Variants in SERPINI2 observed in about 807,000 individuals in gnomAD.
SERPINI2 encodes the protein serpin I2.
SERPINI2 carries 48 observed loss-of-function variants against 47.3 expected under a neutral mutation model. The ratio of observed to expected loss-of-function variants is 1.02; its 90% CI spans 0.81 to 1.29. SERPINI2 has a LOEUF of 1.29. SERPINI2 is among the 50% of genes most tolerant of loss of function. SERPINI2 has a pLI of 0.00. For synonymous variants in SERPINI2, 135 were observed against 149.3 expected (o/e 0.90, Z 0.70); for missense variants, 448 against 456.9 (o/e 0.98, Z 0.18).
chr3:167,458,557 C>T (rs1749878757), intron 5 of SERPINI2, among the ~76,000 whole-genome samples: 4 of 151,982 alleles, frequency 2.6e-5, no homozygotes, highest in South Asian at 4.2e-4. Context: ...CCACCGCTCC[C>T]GGCTGTCTTA....
chr3:167,458,531 G>A (rs1259525431), intron 5 of SERPINI2, among the ~76,000 whole-genome samples: 1 of 150,618 alleles, frequency 6.6e-6, no homozygotes, highest in African/African-American at 2.5e-5. Context: ...TAAAGTGCCG[G>A]GTCTACAGGC....
chr3:167,459,317 G>A (rs1008224026), intron 5 of SERPINI2, among the ~76,000 whole-genome samples: 10 of 151,672 alleles, frequency 6.6e-5, no homozygotes, highest in African/African-American at 9.7e-5. Flanking sequence ...CTCGTGATCC[G>A]CCCGCCTCAG....
At chr3:167,452,837 A>G (rs1364736396) in intron 6 of SERPINI2, 99 bp downstream of exon 6, 2 of 666,886 alleles carry the variant, frequency 3.0e-6, no homozygotes, top group Admixed American at 2.9e-5. Context: ...GCGTATATTT[A>G]TCAGAGCTGA....
chr3:167,471,790 T>G, exon 2 of SERPINI2: 7 of 1,613,180 alleles, frequency 4.3e-6, no homozygotes, highest in Non-Finnish European at 5.9e-6. Flanking sequence ...AGGCTTGACT[T>G]CCAAAAAACA....
At chr3:167,469,999 T>C (rs979898337) in intron 2 of SERPINI2, among the ~76,000 whole-genome samples, 1 of 152,162 alleles carries the variant, frequency 6.6e-6, no homozygotes, top group African/African-American at 2.4e-5. Context: ...TTTTTGATAG[T>C]GCGTTATTAC....
chr3:167,450,408 G>T (rs554576170), intron 6 of SERPINI2, among the ~76,000 whole-genome samples: 1 of 152,300 alleles, frequency 6.6e-6, no homozygotes, highest in Admixed American at 6.5e-5. Flanking sequence ...GAAGGAAGAA[G>T]TGAAACCCGG....
chr3:167,468,987 G>A (rs1001830564), intron 2 of SERPINI2, among the ~76,000 whole-genome samples: 1 of 152,168 alleles, frequency 6.6e-6, no homozygotes, highest in African/African-American at 2.4e-5. Context: ...ATAGATTTAT[G>A]TCATGTACTT....
intron 5 of SERPINI2, among the ~76,000 whole-genome samples, chr3:167,464,413 A>G (rs558800855): frequency 2.8e-4 from 43 of 152,278 alleles, no homozygotes; most frequent in African/African-American, 8.9e-4. Flanking sequence ...TAATGAGACT[A>G]TGACTGAAAT....
chr3:167,462,737 G>A (rs1218329666), intron 5 of SERPINI2, among the ~76,000 whole-genome samples: 1 of 152,116 alleles, frequency 6.6e-6, no homozygotes, highest in East Asian at 1.9e-4. Context: ...GTGGAGTGTG[G>A]CCCTGGAGTG....
intron 8 of SERPINI2, 70 bp downstream of exon 8, chr3:167,446,322 T>C: frequency 1.0e-6 from 1 of 980,334 alleles, no homozygotes; most frequent in Non-Finnish European, 1.6e-6. Flanking sequence ...ATATGTACAT[T>C]GCAATTAGAA....
intron 5 of SERPINI2, among the ~76,000 whole-genome samples, chr3:167,462,636 G>T (rs957164719): frequency 6.6e-6 from 1 of 152,154 alleles, no homozygotes. Flanking sequence ...TATGAATTTG[G>T]GTGGGGGGAT....
At chr3:167,456,150 C>CTGTGTG (rs68048909) in intron 5 of SERPINI2, among the ~76,000 whole-genome samples, 24,342 of 144,318 alleles carry the variant, frequency 0.17, 2,169 homozygotes, top group Middle Eastern at 0.22. Context: ...TCAATTACCT[C>CTGTGTG]TGTGTGTGTG....
intron 1 of SERPINI2, among the ~76,000 whole-genome samples, chr3:167,472,372 CTTTA>C (rs1338487932): frequency 6.6e-6 from 1 of 151,998 alleles, no homozygotes; most frequent in Non-Finnish European, 1.5e-5. Flanking sequence ...TTTCCTCACG[CTTTA>C]TTTCTTAGGA....
chr3:167,447,172 T>C (rs1391874991), intron 7 of SERPINI2, among the ~76,000 whole-genome samples: 2 of 152,178 alleles, frequency 1.3e-5, no homozygotes, highest in African/African-American at 4.8e-5. Context: ...TTCCCAATAA[T>C]TGAATTATTT....
intron 1 of SERPINI2, among the ~76,000 whole-genome samples, chr3:167,472,298 C>A (rs1429878535): frequency 6.6e-6 from 1 of 151,924 alleles, no homozygotes; most frequent in Non-Finnish European, 1.5e-5. Flanking sequence ...TGGTTTTAGA[C>A]CTATAATATT....
At chr3:167,451,316 A>G (rs1055102592) in intron 6 of SERPINI2, among the ~76,000 whole-genome samples, 13 of 152,252 alleles carry the variant, frequency 8.5e-5, no homozygotes, top group Non-Finnish European at 1.6e-4. Flanking sequence ...AAATAACTCT[A>G]TAAAAACATT....
chr3:167,460,538 G>T (rs931081511), intron 5 of SERPINI2, among the ~76,000 whole-genome samples: 11 of 152,114 alleles, frequency 7.2e-5, no homozygotes, highest in Non-Finnish European at 1.2e-4. Context: ...CATTAATTTA[G>T]TAAAAAAGTG....
chr3:167,464,887 A>T (rs773326968), intron 5 of SERPINI2, among the ~76,000 whole-genome samples: 13 of 152,294 alleles, frequency 8.5e-5, no homozygotes, highest in Non-Finnish European at 1.6e-4. Context: ...TAAAAATTCC[A>T]GTCAGGAAAA....
At chr3:167,444,708 C>A (rs1433503313) in intron 8 of SERPINI2, among the ~76,000 whole-genome samples, 2 of 151,966 alleles carry the variant, frequency 1.3e-5, no homozygotes, top group Non-Finnish European at 2.9e-5. Context: ...AAAGGAGTAA[C>A]CCTAGTTTAG....
Sources: allele counts gnomAD v4.1 joint callset (sites outside exome capture counted in the v4.1 genomes callset), GRCh38; gene constraint gnomAD v4.1.1; transcripts MANE v1.5; gene names NCBI Gene and HGNC (gene_info 2026-07-23, HGNC 2026-07-21).